The following GRHL2 variants were observed in gnomAD, a reference collection of about 807,000 sequenced individuals.
GRHL2 encodes grainyhead-like protein 2 homolog.
GRHL2 carries 21 observed loss-of-function variants against 83.8 expected under a neutral mutation model. The observed-to-expected ratio is 0.25, with a 90% CI of 0.18 to 0.36. The LOEUF (loss-of-function observed/expected upper bound fraction) is 0.36, where lower values mean the gene tolerates loss of function less well. Among genes scored for constraint, GRHL2 ranks in the 10% least tolerant of loss-of-function variants. The pLI is 1.00. For missense variants in GRHL2, 623 were observed against 781.8 expected, an observed-to-expected ratio of 0.80 and a Z score of 2.42; for synonymous variants, 280 against 278.9, an observed-to-expected ratio of 1.00 and a Z score of -0.04.
chr8:101,563,481 C>G (rs1811649970), intron 4 of GRHL2, among the ~76,000 whole-genome samples: 1 of 152,068 alleles, frequency 6.6e-6, no homozygotes, highest in Admixed American at 6.6e-5. Context: ...ACTAGCAGCC[C>G]TGCCACTCCT....
At chr8:101,656,692 G>C (rs1473432712) in intron 14 of GRHL2, among the ~76,000 whole-genome samples, 1 of 152,200 alleles carries the variant, frequency 6.6e-6, no homozygotes, top group Middle Eastern at 3.2e-3. Context: ...TCTGAAATGA[G>C]AATAATAATA....
At chr8:101,568,778 A>T (rs1811766641) in intron 4 of GRHL2, among the ~76,000 whole-genome samples, 2 of 152,088 alleles carry the variant, frequency 1.3e-5, no homozygotes, top group Admixed American at 1.3e-4. Context: ...TGTACCTTTG[A>T]TTCTCTGTCA....
At chr8:101,575,015 T>C (rs1010975549) in intron 6 of GRHL2, among the ~76,000 whole-genome samples, 1 of 152,132 alleles carries the variant, frequency 6.6e-6, no homozygotes, top group African/African-American at 2.4e-5. Context: ...GGAACCAGGA[T>C]CTACCCCAGG....
intron 4 of GRHL2, among the ~76,000 whole-genome samples, chr8:101,567,365 G>A (rs1247572027): frequency 6.6e-6 from 1 of 152,102 alleles, no homozygotes; most frequent in Non-Finnish European, 1.5e-5. Context: ...TATATTAATA[G>A]GTCTCCGAGC....
At chr8:101,579,108 T>G (rs980206278) in intron 7 of GRHL2, among the ~76,000 whole-genome samples, 9 of 152,184 alleles carry the variant, frequency 5.9e-5, no homozygotes, top group African/African-American at 2.2e-4. Context: ...AACCAAGACC[T>G]GGTGACTAGG....
At chr8:101,608,593 C>CTTTTTTTTTTTATTTTTT (rs1435861274) in intron 8 of GRHL2, among the ~76,000 whole-genome samples, 11 of 152,094 alleles carry the variant, frequency 7.2e-5, no homozygotes, top group African/African-American at 2.7e-4. Flanking sequence ...GAGGCAGCTC[C>CTTTTTTTTTTTATTTTTT]ATTTTTTATT....
chr8:101,556,857 C>G (rs960920047), intron 3 of GRHL2, among the ~76,000 whole-genome samples: 1 of 152,152 alleles, frequency 6.6e-6, no homozygotes, highest in Non-Finnish European at 1.5e-5. Context: ...TTGTCCTAGT[C>G]CTTCAAATTA....
intron 14 of GRHL2, among the ~76,000 whole-genome samples, chr8:101,657,559 G>A (rs1813819982): frequency 6.6e-6 from 1 of 152,118 alleles, no homozygotes; most frequent in South Asian, 2.1e-4. Context: ...ACAAAGAAAA[G>A]GCCGGGCGTA....
At position 101,652,369 on chromosome 8, in the gene GRHL2, GTCTGATGTGTGTGTGGTGT is replaced by G. The variant is rs1563626824; in HGVS notation, c.1698+2871_1698+2889del. On this transcript the variant is annotated intron_variant, in intron 14 of 15. Transcript: ENST00000646743. ...TGTGTGGTGTGTGTGGTGTGTGTGTGTCTGATGTGTGTGTGGTGTGTGTGTGTGTCTGGTGTGTGTGTGG... is the reference window on the plus strand; with the variant it reads ...TGTGTGGTGTGTGTGGTGTGTGTGTGGTGTGTGTGTCTGGTGTGTGTGTGG... Among the ~76,000 whole-genome samples, 347 of 63,482 alleles carry G rather than the reference GTCTGATGTGTGTGTGGTGT, an allele frequency of 5.5e-3. 13 individuals carry two copies. The highest frequency in any genetic ancestry group is 0.025 in the African/African-American group (301 of 11,824). 41.6% of individuals were successfully genotyped at this position (63,482 alleles called of 152,430 possible).
chr8:101,583,104 C>G (rs1812090609), intron 7 of GRHL2, among the ~76,000 whole-genome samples: 1 of 152,170 alleles, frequency 6.6e-6, no homozygotes, highest in South Asian at 2.1e-4. Context: ...AAATAGAATA[C>G]TGTGACAAAA....
At chr8:101,532,759 A>G (rs994847426) in intron 1 of GRHL2, among the ~76,000 whole-genome samples, 79 of 151,922 alleles carry the variant, frequency 5.2e-4, no homozygotes, top group Non-Finnish European at 5.6e-4. Flanking sequence ...ATCTCACAAA[A>G]AAAAAAAAAA....
At chr8:101,527,573 G>A (rs114003517) in intron 1 of GRHL2, among the ~76,000 whole-genome samples, 214 of 152,214 alleles carry the variant, frequency 1.4e-3, no homozygotes, top group African/African-American at 4.8e-3. Context: ...TTATATTTAA[G>A]AATTCTTTCT....
chr8:101,546,926 G>A (rs1811279069), intron 2 of GRHL2, among the ~76,000 whole-genome samples: 1 of 152,196 alleles, frequency 6.6e-6, no homozygotes, highest in African/African-American at 2.4e-5. Context: ...TCAAGTTGCA[G>A]CCAAGTCTAG....
chr8:101,503,907 T>G (rs1181647693), intron 1 of GRHL2, among the ~76,000 whole-genome samples: 3 of 152,174 alleles, frequency 2.0e-5, no homozygotes, highest in Non-Finnish European at 4.4e-5. Context: ...ATAAAGGTAC[T>G]TTTTTGTCTG....
At chr8:101,496,172 T>C (rs1002898285) in intron 1 of GRHL2, among the ~76,000 whole-genome samples, 1 of 146,700 alleles carries the variant, frequency 6.8e-6, no homozygotes, top group African/African-American at 2.5e-5. Context: ...AAAATACAGG[T>C]CATGATAAAC....
At position 101,493,644 on chromosome 8, in the gene GRHL2, A is replaced by C. The variant is rs1302224922; in HGVS notation, c.20+855A>C. 7.9e-5 allele frequency among the ~76,000 whole-genome samples: 12 copies of C among 151,994 alleles called. 1 individual carries two copies. Among genetic ancestry groups the C allele is most frequent in the Non-Finnish European group, 1.5e-4 (10 of 67,992 alleles). ...CCCTCGAGCTCGCGGCCCTCCACGC[A>C]GTTGGCCGCCACCTCGGACGCGGCA... On this transcript the variant is annotated intron_variant, in intron 1 of 15. Coordinates refer to ENST00000646743, the MANE Select transcript of GRHL2 (RefSeq NM_024915.4).
intron 2 of GRHL2, among the ~76,000 whole-genome samples, chr8:101,547,535 A>G (rs1290087926): frequency 6.6e-6 from 1 of 152,298 alleles, no homozygotes; most frequent in Middle Eastern, 3.4e-3. Context: ...ATACTTCATA[A>G]ATTTCAAGGT....
At chr8:101,656,750 A>C (rs980486104) in intron 14 of GRHL2, among the ~76,000 whole-genome samples, 10 of 152,252 alleles carry the variant, frequency 6.6e-5, no homozygotes, top group Non-Finnish European at 5.9e-5. Flanking sequence ...GATTGTTGTG[A>C]GGATAAATGA....
chr8:101,526,525 C>CTTTTTTTTT (rs33928032), intron 1 of GRHL2, among the ~76,000 whole-genome samples: 37 of 109,660 alleles, frequency 3.4e-4, no homozygotes, highest in Non-Finnish European at 5.3e-4. Flanking sequence ...TCTTTTTTTC[C>CTTTTTTTTT]TTTTTTTTTT....
Sources: gnomAD v4.1 joint callset for allele counts (sites outside exome capture counted in the v4.1 genomes callset) on GRCh38, gnomAD v4.1.1 for gene constraint, MANE v1.5 for transcripts, NCBI Gene and HGNC (gene_info 2026-07-23, HGNC 2026-07-21) for gene names.